RSBN1: variants seen among roughly 807,000 people sequenced by gnomAD.
RSBN1 encodes round spermatid basic protein 1.
In RSBN1, 23 loss-of-function variants were observed where a neutral mutation model predicts 74.8. That is an observed-to-expected ratio of 0.31 (90% CI 0.22 to 0.44). The LOEUF (loss-of-function observed/expected upper bound fraction) is 0.44. RSBN1 is among the 20% of genes least tolerant of loss of function. The pLI is 1.00. For missense variants in RSBN1, 808 were observed against 1,020.9 expected (o/e 0.79, Z 2.84); for synonymous variants, 407 against 379.6 (o/e 1.07, Z -0.84).
intron 2 of RSBN1, among the ~76,000 whole-genome samples, chr1:113,793,177 A>G (rs1223201853): frequency 6.6e-6 from 1 of 152,150 alleles, no homozygotes; most frequent in Non-Finnish European, 1.5e-5. Context: ...GCAGATTCTG[A>G]TTCAGAAAAT....
At chr1:113,810,067 G>A (rs1195531255) in intron 1 of RSBN1, among the ~76,000 whole-genome samples, 1 of 152,050 alleles carries the variant, frequency 6.6e-6, no homozygotes, top group Non-Finnish European at 1.5e-5. Flanking sequence ...AGAGATCCTC[G>A]ATGATATAAA....
At chr1:113,811,290 G>A (rs1433822709) in intron 1 of RSBN1, among the ~76,000 whole-genome samples, 1 of 152,160 alleles carries the variant, frequency 6.6e-6, no homozygotes, top group African/African-American at 2.4e-5. Context: ...TGAAAGACTG[G>A]AACCATACCC....
intron 5 of RSBN1, 126 bp from the exon 6 acceptor site, chr1:113,767,333 C>CT (rs1469194297): frequency 2.2e-6 from 1 of 456,612 alleles, no homozygotes; most frequent in African/African-American, 2.0e-5. Flanking sequence ...TTTCTAAGGA[C>CT]TAGGTATACA....
chr1:113,777,655 C>T lies in RSBN1; in HGVS notation c.1515+16G>A. ...AAGTAAAGATCAAAACTTTAATAATCTTAATTAACACTCACTTTCAGAAAT... is the reference window on the plus strand; with the variant it reads ...AAGTAAAGATCAAAACTTTAATAATTTTAATTAACACTCACTTTCAGAAAT... On this transcript the variant is annotated intron_variant, in intron 3 of 6. Coordinates refer to ENST00000261441, the MANE Select transcript of RSBN1 (RefSeq NM_018364.5). 6.2e-7 allele frequency: 1 copy of T among 1,600,300 alleles called. No individual in the cohort carries two copies. Among genetic ancestry groups the T allele is most frequent in the Non-Finnish European group, 8.5e-7 (1 of 1,170,890 alleles).
intron 1 of RSBN1, among the ~76,000 whole-genome samples, chr1:113,799,624 G>A (rs1267334001): frequency 6.8e-6 from 1 of 147,562 alleles, no homozygotes; most frequent in Admixed American, 6.8e-5. Flanking sequence ...AAAAATATCT[G>A]GAGAAATATA....
chr1:113,779,016 T>A (rs1447423152), intron 2 of RSBN1, among the ~76,000 whole-genome samples: 2 of 152,206 alleles, frequency 1.3e-5, no homozygotes, highest in Non-Finnish European at 2.9e-5. Flanking sequence ...GAGAGATGGA[T>A]CCTGTACATA....
intron 1 of RSBN1, among the ~76,000 whole-genome samples, chr1:113,805,599 C>T (rs138364062): frequency 6.6e-6 from 1 of 152,174 alleles, no homozygotes; most frequent in Non-Finnish European, 1.5e-5. Context: ...AGCTCTATCA[C>T]CAACTAAAAA....
chr1:113,766,035 C>G lies in RSBN1; in HGVS notation c.2354G>C (p.Arg785Thr), dbSNP rs751693540. 6.2e-7 allele frequency: 1 copy of G among 1,613,938 alleles called. No homozygotes were observed. The highest frequency in any genetic ancestry group is 1.7e-5 in the Admixed American group (1 of 59,990). The change falls in exon 7 of 7, where the codon AGA (arginine) becomes ACA (threonine). Residue 785 changes from arginine to threonine, a missense_variant. Around this residue, in one of 6 missense-constraint regions of RSBN1, gnomAD observed 91 missense variants for 99.6 expected, o/e 0.91. Transcript: ENST00000261441. ...QPIPVLKVES[R>T]LDSDQQHNLQ... is the part of the protein sequence containing the mutation. ...ATTGTGTTGCTGGTCAGAGTCCAGTCTACTTTCCACTTTTAAAACTGGAAT... is the reference window on the plus strand; with the variant it reads ...ATTGTGTTGCTGGTCAGAGTCCAGTGTACTTTCCACTTTTAAAACTGGAAT...
At chr1:113,790,221 T>C (rs758202458) in intron 2 of RSBN1, among the ~76,000 whole-genome samples, 3 of 152,048 alleles carry the variant, frequency 2.0e-5, no homozygotes, top group Non-Finnish European at 2.9e-5. Flanking sequence ...ACATCAAAGA[T>C]CCTAACCTAA....
chr1:113,801,490 T>C (rs549541303), intron 1 of RSBN1, among the ~76,000 whole-genome samples: 8 of 152,346 alleles, frequency 5.3e-5, no homozygotes, highest in African/African-American at 1.7e-4. Context: ...CTGGCCACTG[T>C]TGCTTTATGA....
intron 1 of RSBN1, among the ~76,000 whole-genome samples, chr1:113,804,187 A>G (rs186269486): frequency 7.9e-5 from 12 of 152,318 alleles, no homozygotes; most frequent in Admixed American, 4.6e-4. Context: ...AAATGAGACA[A>G]TGACTATAAG....
At chr1:113,776,772 T>C (rs184040967) in intron 4 of RSBN1, among the ~76,000 whole-genome samples, 2 of 143,672 alleles carry the variant, frequency 1.4e-5, no homozygotes, top group Middle Eastern at 3.8e-3. Context: ...ATTGTACCAC[T>C]GCACTCTAGC....
At position 113,777,827 on chromosome 1, in the gene RSBN1, G is replaced by A. The variant is rs1312206929; in HGVS notation, c.1378-19C>T. On this transcript the variant is annotated intron_variant, in intron 2 of 6. Coordinates refer to ENST00000261441, the MANE Select transcript of RSBN1 (RefSeq NM_018364.5). ...TGTTGACCTAAGATAAAACAAAAGA[G>A]GGAAAAATGGACTGAGGTACAACTA... is the stretch of plus-strand genomic sequence containing the variant. 8 of 1,520,706 alleles carry A rather than the reference G, an allele frequency of 5.3e-6. No homozygotes were observed. Among genetic ancestry groups the A allele is most frequent in the Admixed American group, 4.0e-5 (2 of 50,538 alleles). The allele number at this position is 1,520,706 out of a possible 1,614,324, so 94.2% of individuals were successfully genotyped here.
intron 4 of RSBN1, among the ~76,000 whole-genome samples, 184 bp from the exon 5 acceptor site, chr1:113,768,573 T>C (rs571259387): frequency 1.3e-5 from 2 of 152,288 alleles, no homozygotes; most frequent in South Asian, 2.1e-4. Flanking sequence ...ATGCTTAATG[T>C]AATTACCTTC....
intron 4 of RSBN1, among the ~76,000 whole-genome samples, chr1:113,775,127 C>T (rs1003936108): frequency 2.6e-5 from 4 of 151,636 alleles, no homozygotes; most frequent in African/African-American, 9.7e-5. Flanking sequence ...CAGGTTCAAG[C>T]AATTCTCCTG....
chr1:113,771,652 C>T (rs1659886381), intron 4 of RSBN1, among the ~76,000 whole-genome samples: 1 of 148,080 alleles, frequency 6.8e-6, no homozygotes, highest in Non-Finnish European at 1.5e-5. Flanking sequence ...CATAGTCAAA[C>T]AGATGAGAAA....
intron 2 of RSBN1, among the ~76,000 whole-genome samples, chr1:113,782,314 G>C (rs1459473469): frequency 6.6e-6 from 1 of 152,000 alleles, no homozygotes; most frequent in Non-Finnish European, 1.5e-5. Context: ...GTTATAACTA[G>C]ATCAAAAAAG....
At position 113,811,966 on chromosome 1, in the gene RSBN1, A is replaced by C; in HGVS notation, c.447T>G (p.Pro149=). 1.3e-6 allele frequency: 2 copies of C among 1,580,338 alleles called. No individual in the cohort carries two copies. Among genetic ancestry groups the C allele is most frequent in the Non-Finnish European group, 1.7e-6 (2 of 1,162,772 alleles). Residue 149 remains proline (P), a synonymous_variant, in exon 1 of 7, where the codon CCT becomes CCG. Coordinates refer to ENST00000261441, the MANE Select transcript of RSBN1 (RefSeq NM_018364.5). ...CAGCGGGCCCGGCGGGTGCCAGCGA[A>C]GGTGGCGGCGGAGGCGGCAGGAGAA... The part of the protein sequence containing the change: ...EPLLLPPPPP[P]SLAPAGPAVA...
In RSBN1 at chr1:113,761,976, A is replaced by T. The variant is rs1325185927; in HGVS notation, c.*4004T>A. The T allele has an allele frequency of 6.5e-6, 1 of 152,778 alleles. No individual in the cohort carries two copies. Among genetic ancestry groups the T allele is most frequent in the Non-Finnish European group, 1.5e-5 (1 of 68,018 alleles). The allele number at this position is 152,778 out of a possible 1,614,324, so 9.5% of individuals were successfully genotyped here. A position where few individuals can be genotyped will look rare whatever the true frequency, so the allele number is the denominator to read the frequency against. On this transcript the variant is annotated 3_prime_UTR_variant, in exon 7 of 7. Coordinates refer to ENST00000261441, the MANE Select transcript of RSBN1 (RefSeq NM_018364.5). ...TACAAAAAAGCACTGTGTTAAAAGG[A>T]TTATTCACACAAATTTAGATTTAAG...
Sources: allele counts gnomAD v4.1 joint callset (sites outside exome capture counted in the v4.1 genomes callset), GRCh38; gene constraint gnomAD v4.1.1; regional missense constraint gnomAD v4.1.1; transcripts MANE v1.5; gene names NCBI Gene and HGNC (gene_info 2026-07-23, HGNC 2026-07-21).